The following MZT2B variants were observed in gnomAD, a reference collection of about 807,000 sequenced individuals.
MZT2B encodes mitotic spindle organizing protein 2B, also known as mitotic-spindle organizing protein 2B.
MZT2B carries 11 observed loss-of-function variants against 12.1 expected under a neutral mutation model. That is an observed-to-expected ratio of 0.91 (90% confidence interval 0.57 to 1.50). MZT2B has a LOEUF of 1.50. Ranked by LOEUF, MZT2B falls within the 40% of genes most tolerant of loss-of-function variation. The pLI is 0.00. For missense variants in MZT2B, 209 were observed against 227.7 expected (o/e 0.92, Z 0.53); for synonymous variants, 85 against 109.5 (o/e 0.78, Z 1.40).
At chr2:130,193,805 C>A (rs1372512842), downstream of MZT2B, 1 of 1,609,442 alleles carries the variant, frequency 6.2e-7, no homozygotes, top group East Asian at 2.2e-5. Context: ...AGTCGGGCAC[C>A]AATCCACAAA....
rs1400528700 is a variant in MZT2B, at chr2:130,182,349, C to G, written c.67C>G (p.Gln23Glu). Residue 23 changes from glutamine to glutamate, a missense_variant, in exon 1 of 3, where the codon CAG becomes GAG. Coordinates refer to ENST00000281871, the MANE Select transcript of MZT2B (RefSeq NM_025029.5). ...GCCCCCGGGGCTGGAGGCGGCCCGG[C>G]AGAAGCTGGCGCTGCGGCGGAAGAA... ...AAPPGLEAAR[Q>E]KLALRRKKVL... 2.6e-6 allele frequency: 4 copies of G among 1,534,244 alleles called. No individual in the cohort carries two copies. The highest frequency in any genetic ancestry group is 3.5e-6 in the Non-Finnish European group (4 of 1,145,382).
chr2:130,186,104 G>C (rs1430705909), intron 2 of MZT2B, among the ~76,000 whole-genome samples: 2 of 152,072 alleles, frequency 1.3e-5, no homozygotes, highest in African/African-American at 4.8e-5. Flanking sequence ...AGCTCCGGCT[G>C]CCCTGGTAAT....
upstream of MZT2B, chr2:130,182,064 A>G: frequency 1.5e-6 from 2 of 1,347,462 alleles, no homozygotes; most frequent in Non-Finnish European, 1.9e-6. Context: ...GCGGTCCGCC[A>G]TGCCACTCCC....
chr2:130,184,096 G>A lies in MZT2B; in HGVS notation c.319+1321G>A, dbSNP rs570003176. The A allele has an allele frequency of 2.2e-5, 34 of 1,540,464 alleles. No homozygotes were observed. The East Asian group carries it at 4.2e-4, about 19-fold the overall frequency. On this transcript the variant is annotated intron_variant, in intron 2 of 2. Coordinates refer to ENST00000281871, the MANE Select transcript of MZT2B (RefSeq NM_025029.5). ...CCATGCAGGCCATCGCTGCCCTGCC[G>A]CTTAGCCACAGGGCACGATTTCTGA... is the stretch of plus-strand genomic sequence containing the variant.
the MZT2B span, chr2:130,198,342 G>A: frequency 7.4e-7 from 1 of 1,353,544 alleles, no homozygotes; most frequent in South Asian, 1.3e-5. Context: ...CGGGGCGGGA[G>A]TGACCCGGGT....
At chr2:130,189,442 C>A (rs1690179070) in intron 2 of MZT2B, among the ~76,000 whole-genome samples, 1 of 152,170 alleles carries the variant, frequency 6.6e-6, no homozygotes, top group Non-Finnish European at 1.5e-5. Context: ...CAAGGCACTT[C>A]CTCAGTCAGG....
intron 2 of MZT2B, among the ~76,000 whole-genome samples, chr2:130,188,452 T>G (rs1287771085): frequency 6.6e-6 from 1 of 152,192 alleles, no homozygotes; most frequent in Non-Finnish European, 1.5e-5. Flanking sequence ...TTATGGCAGT[T>G]TGTACCACAA....
At chr2:130,202,119 T>C in the MZT2B span, among the ~76,000 whole-genome samples, 8,290 of 151,276 alleles carry the variant, frequency 0.055, 272 homozygotes, top group Non-Finnish European at 0.075. Context: ...TTACTGTAAG[T>C]TATGATTCCA....
upstream of MZT2B, chr2:130,182,028 C>G (rs1250857146): frequency 7.4e-7 from 1 of 1,351,402 alleles, no homozygotes; most frequent in Non-Finnish European, 9.6e-7. Flanking sequence ...ATCAGGGAGG[C>G]CCAGATCGCC....
downstream of MZT2B, among the ~76,000 whole-genome samples, chr2:130,195,689 G>A (rs531639155): frequency 1.3e-5 from 2 of 152,354 alleles, no homozygotes; most frequent in East Asian, 3.9e-4. Flanking sequence ...ACTGAAAGGT[G>A]CTGCCTCTTT....
At chr2:130,198,321 C>T in the MZT2B span, 6 of 1,353,180 alleles carry the variant, frequency 4.4e-6, 2 homozygotes, top group South Asian at 2.7e-5. Context: ...CTTCGTCTGC[C>T]TGGGCATCTG....
the MZT2B span, among the ~76,000 whole-genome samples, chr2:130,201,675 C>T: frequency 2.4e-4 from 37 of 152,334 alleles, no homozygotes; most frequent in African/African-American, 5.3e-4. Context: ...CCACATCACA[C>T]GGTGCTCTTC....
chr2:130,192,263 C>T (rs946516267), downstream of MZT2B: 5 of 1,294,022 alleles, frequency 3.9e-6, no homozygotes, highest in African/African-American at 7.5e-5. Context: ...GTCACTAAGC[C>T]CTTCTCTGCA....
intron 2 of MZT2B, chr2:130,183,764 T>A: frequency 6.4e-7 from 1 of 1,550,580 alleles, no homozygotes; most frequent in Admixed American, 2.0e-5. Flanking sequence ...TCTGCTCTCT[T>A]TGTGTCTCTC....
Position 130,184,260 on chromosome 2 carries a change from G to A in MZT2B, c.319+1485G>A, listed in dbSNP as rs557215773. The A allele has an allele frequency of 3.8e-5, 37 of 985,440 alleles. No homozygotes were observed. The African/African-American group carries it at 4.2e-4, about 11-fold the overall frequency. 61.0% of individuals were successfully genotyped at this position (985,440 alleles called of 1,614,324 possible). A position where few individuals can be genotyped will look rare whatever the true frequency, so the allele number is the denominator to read the frequency against. ...AGCCCCTCTCCAAGGGAAGACAGCCGGCCAGAGTGCGGTGTGCTGTGCTGG... is the reference window on the plus strand; with the variant it reads ...AGCCCCTCTCCAAGGGAAGACAGCCAGCCAGAGTGCGGTGTGCTGTGCTGG... On this transcript the variant is annotated intron_variant, in intron 2 of 2. Coordinates refer to ENST00000281871, the MANE Select transcript of MZT2B (RefSeq NM_025029.5).
the MZT2B span, among the ~76,000 whole-genome samples, chr2:130,200,377 C>T: frequency 2.0e-5 from 3 of 146,556 alleles, no homozygotes; most frequent in African/African-American, 5.0e-5. Flanking sequence ...GGCAACACAG[C>T]GAGACTCTGT....
downstream of MZT2B, chr2:130,194,422 G>A (rs1264654473): frequency 6.2e-7 from 1 of 1,600,936 alleles, no homozygotes; most frequent in Admixed American, 1.7e-5. Flanking sequence ...CGCCCCCAAA[G>A]CTGTGGAAGA....
chr2:130,198,455 G>GCCGCAC, the MZT2B span: 1 of 1,308,854 alleles, frequency 7.6e-7, no homozygotes, highest in South Asian at 1.4e-5. Context: ...GCCCACGCGC[G>GCCGCAC]CCGCACAGGA....
At chr2:130,187,329 A>G (rs1690104625) in intron 2 of MZT2B, among the ~76,000 whole-genome samples, 1 of 152,072 alleles carries the variant, frequency 6.6e-6, no homozygotes, top group Admixed American at 6.5e-5. Context: ...CTGGGACTAC[A>G]GGTGCACACT....
Sources: allele counts gnomAD v4.1 joint callset (sites outside exome capture counted in the v4.1 genomes callset), GRCh38; gene constraint gnomAD v4.1.1; transcripts MANE v1.5; gene names NCBI Gene and HGNC (gene_info 2026-07-23, HGNC 2026-07-21).